DLGAP4: variants seen among roughly 807,000 people sequenced by gnomAD.
DLGAP4 encodes disks large-associated protein 4.
In DLGAP4, 18 loss-of-function variants were observed where a neutral mutation model predicts 86.9. The ratio of observed to expected loss-of-function variants is 0.21; its 90% CI spans 0.14 to 0.31. The LOEUF is 0.31. Ranked by LOEUF, DLGAP4 falls within the 10% of genes least tolerant of loss-of-function variation. The probability of loss-of-function intolerance (pLI) is 1.00; values close to 1 mark genes in which losing one functional copy is unlikely to be tolerated. For synonymous variants in DLGAP4, 548 were observed against 574.3 expected (o/e 0.95, Z 0.65); for missense variants, 1,085 against 1,362.6 (o/e 0.80, Z 3.21).
intron 7 of DLGAP4, among the ~76,000 whole-genome samples, chr20:36,452,663 C>T (rs967788550): frequency 6.6e-6 from 1 of 151,872 alleles, no homozygotes; most frequent in East Asian, 1.9e-4. Context: ...GCATATGCCA[C>T]CACACCCAGC....
intron 7 of DLGAP4, among the ~76,000 whole-genome samples, chr20:36,468,377 C>G (rs1171949870): frequency 1.3e-5 from 2 of 152,246 alleles, no homozygotes; most frequent in Non-Finnish European, 2.9e-5. Context: ...GAGGCTAGGA[C>G]TCATTTCTCA....
chr20:36,362,589 AG>A (rs1169041232), intron 1 of DLGAP4, among the ~76,000 whole-genome samples: 9 of 152,364 alleles, frequency 5.9e-5, no homozygotes, highest in African/African-American at 2.2e-4. Context: ...CAGTTGGTCA[AG>A]GAATATCTCC....
rs1555912020 is a variant in DLGAP4 at position 36,496,999 on chromosome 20, C to A, written c.1943C>A (p.Thr648Lys). The change falls in exon 8 of 13, where the codon ACG becomes AAG. Residue 648 changes from threonine (T) to lysine (K), a missense_variant. Physicochemically the swap from Thr to Lys is moderately conservative, Grantham distance 78. Around this residue, in one of 2 missense-constraint regions of DLGAP4, gnomAD observed 1,082 missense variants for 1,344.1 expected, o/e 0.81. Transcript: ENST00000339266. ...KHAALKSEQGTLTSSESHPEA... is the reference protein window; with the variant it reads ...KHAALKSEQGKLTSSESHPEA... ...GCAGCTCTGAAAAGTGAACAAGGGA[C>A]GCTGACCAGCTCTGAGTCCCACCCC... is the stretch of plus-strand genomic sequence containing the variant. 1 of 1,614,086 alleles carries A rather than the reference C, an allele frequency of 6.2e-7. No individual in the cohort carries two copies. The highest frequency in any genetic ancestry group is 1.1e-5 in the South Asian group (1 of 91,074).
chr20:36,420,271 C>T (rs1309275527), intron 2 of DLGAP4, among the ~76,000 whole-genome samples: 1 of 152,168 alleles, frequency 6.6e-6, no homozygotes, highest in Non-Finnish European at 1.5e-5. Flanking sequence ...ACTTGCTGTT[C>T]CAGGCTGCTT....
At chr20:36,405,574 T>C (rs2032294391) in intron 2 of DLGAP4, among the ~76,000 whole-genome samples, 1 of 151,742 alleles carries the variant, frequency 6.6e-6, no homozygotes, top group African/African-American at 2.4e-5. Flanking sequence ...ATCCTAGGCG[T>C]GTGCTATTTT....
chr20:36,421,183 C>T (rs1004731298), intron 2 of DLGAP4, among the ~76,000 whole-genome samples: 1 of 149,870 alleles, frequency 6.7e-6, no homozygotes, highest in Admixed American at 6.7e-5. Context: ...GGGCCGGGCG[C>T]GGTGGCTCAT....
chr20:36,335,393 G>A (rs1463891764), intron 1 of DLGAP4, among the ~76,000 whole-genome samples: 2 of 152,262 alleles, frequency 1.3e-5, no homozygotes, highest in South Asian at 4.1e-4. Context: ...TTAAATGGCC[G>A]CAGCCTCTGT....
chr20:36,312,366 C>T (rs938212826), intron 1 of DLGAP4, among the ~76,000 whole-genome samples: 92 of 150,246 alleles, frequency 6.1e-4, no homozygotes, highest in Non-Finnish European at 8.2e-4. Flanking sequence ...CATGCACGCG[C>T]GAACACACGC....
chr20:36,427,887 G>A (rs1339247078), intron 2 of DLGAP4, among the ~76,000 whole-genome samples: 1 of 152,082 alleles, frequency 6.6e-6, no homozygotes, highest in Admixed American at 6.6e-5. Flanking sequence ...AGGTTGCAGT[G>A]AGCTGAGACC....
intron 7 of DLGAP4, among the ~76,000 whole-genome samples, chr20:36,459,674 C>T (rs576615708): frequency 1.3e-5 from 2 of 152,350 alleles, no homozygotes; most frequent in African/African-American, 4.8e-5. Flanking sequence ...ATGGCGCAAT[C>T]TTGGCTCACC....
At chr20:36,413,558 GGT>G (rs968392077) in intron 2 of DLGAP4, among the ~76,000 whole-genome samples, 10 of 151,298 alleles carry the variant, frequency 6.6e-5, no homozygotes, top group Admixed American at 6.6e-5. Context: ...CTGGACTACA[GGT>G]GTGTGCCACC....
At chr20:36,483,626 C>G (rs2035285274) in intron 7 of DLGAP4, among the ~76,000 whole-genome samples, 1 of 152,188 alleles carries the variant, frequency 6.6e-6, no homozygotes, top group Non-Finnish European at 1.5e-5. Context: ...CCTCAGGCCC[C>G]CTTGGGAATC....
chr20:36,384,210 G>T (rs1036722665), intron 2 of DLGAP4, among the ~76,000 whole-genome samples: 1 of 152,116 alleles, frequency 6.6e-6, no homozygotes, highest in Non-Finnish European at 1.5e-5. Flanking sequence ...TGTTGTCCGT[G>T]GTGCTGAAGA....
At chr20:36,323,342 T>G (rs1555890769) in intron 1 of DLGAP4, among the ~76,000 whole-genome samples, 2 of 152,178 alleles carry the variant, frequency 1.3e-5, no homozygotes, top group African/African-American at 4.8e-5. Context: ...CACCTTCACA[T>G]AAACAACATC....
chr20:36,404,477 G>A (rs2032254247), intron 2 of DLGAP4, among the ~76,000 whole-genome samples: 1 of 152,180 alleles, frequency 6.6e-6, no homozygotes, highest in Admixed American at 6.5e-5. Flanking sequence ...GGCGTCTCAA[G>A]CAGATAAGCT....
intron 2 of DLGAP4, among the ~76,000 whole-genome samples, chr20:36,390,868 T>G (rs890774395): frequency 1.3e-5 from 2 of 151,960 alleles, no homozygotes; most frequent in African/African-American, 4.8e-5. Context: ...ACCCTGACCC[T>G]GGTCCCAGAC....
At chr20:36,474,554 C>T (rs1038177619) in intron 7 of DLGAP4, among the ~76,000 whole-genome samples, 1 of 152,212 alleles carries the variant, frequency 6.6e-6, no homozygotes, top group Non-Finnish European at 1.5e-5. Flanking sequence ...TTCTTGCCTT[C>T]CCCCTGGCGT....
intron 2 of DLGAP4, among the ~76,000 whole-genome samples, chr20:36,402,065 T>C (rs553241135): frequency 3.9e-5 from 6 of 152,188 alleles, no homozygotes; most frequent in African/African-American, 1.4e-4. Context: ...AGTAGATGAA[T>C]TGTGAAACCA....
intron 1 of DLGAP4, among the ~76,000 whole-genome samples, chr20:36,336,170 G>A (rs782670072): frequency 1.1e-4 from 16 of 152,220 alleles, no homozygotes; most frequent in Middle Eastern, 3.4e-3. Flanking sequence ...AACCACCTAC[G>A]ACATCTTTCC....
Sources: allele counts gnomAD v4.1 joint callset (sites outside exome capture counted in the v4.1 genomes callset), GRCh38; gene constraint gnomAD v4.1.1; regional missense constraint gnomAD v4.1.1; transcripts MANE v1.5; gene names NCBI Gene and HGNC (gene_info 2026-07-23, HGNC 2026-07-21).